The following ANKS1B variants were observed in gnomAD, a reference collection of about 807,000 sequenced individuals.
ANKS1B encodes ankyrin repeat and sterile alpha motif domain-containing protein 1B.
ANKS1B carries 36 observed loss-of-function variants against 148.3 expected under a neutral mutation model. The ratio of observed to expected loss-of-function variants is 0.24; its 90% CI spans 0.19 to 0.32. The LOEUF is 0.32. Ranked by LOEUF, ANKS1B falls within the 10% of genes least tolerant of loss-of-function variation. The pLI is 1.00. For missense variants in ANKS1B, 1,157 were observed against 1,542.6 expected (o/e 0.75, Z 4.19); for synonymous variants, 542 against 560.8 (o/e 0.97, Z 0.47).
In ANKS1B at chr12:99,661,128, C is replaced by T. The variant is rs190245001; in HGVS notation, c.1129-5918G>A. Among the ~76,000 whole-genome samples the T allele has an allele frequency of 4.1e-3, 625 of 152,150 alleles. 5 individuals carry two copies. The highest frequency in any genetic ancestry group is 6.7e-3 in the Admixed American group (102 of 15,282). ...GTTTTACTGGGGGTCTGAAGGAACT[C>T]CCCAGACCTCCACAAACAAGTTTTA... On this transcript the variant is annotated intron_variant, in intron 8 of 26. Transcript: ENST00000683438.
At chr12:99,274,620 T>C (rs149452951) in intron 12 of ANKS1B, among the ~76,000 whole-genome samples, 2 of 152,298 alleles carry the variant, frequency 1.3e-5, no homozygotes, top group Admixed American at 6.5e-5. Context: ...TGAAGCACTT[T>C]CACTAACACT....
At chr12:99,350,134 C>T (rs1188207869) in intron 12 of ANKS1B, among the ~76,000 whole-genome samples, 2 of 151,778 alleles carry the variant, frequency 1.3e-5, no homozygotes, top group African/African-American at 2.4e-5. Context: ...GTGAGTTATC[C>T]CAAGATCTGG....
rs552379451 is a variant in ANKS1B at position 99,841,876 on chromosome 12, T to C, written c.135-16487A>G. Among the ~76,000 whole-genome samples, 13 of 152,246 alleles carry C rather than the reference T, an allele frequency of 8.5e-5. 1 individual carries two copies. In the East Asian group the frequency reaches 2.5e-3, roughly 29 times the overall value. ...TCTGTATTATTTTTCTCTCCTTGGT[T>C]AGTCTAGGTGGGGCTAGTTTATCAG... On this transcript the variant is annotated intron_variant, in intron 1 of 26. Coordinates refer to ENST00000683438, the MANE Select transcript of ANKS1B (RefSeq NM_001352186.2).
At chr12:98,949,595 C>T (rs935716748) in intron 17 of ANKS1B, 10 of 152,074 alleles carry the variant, frequency 6.6e-5, no homozygotes, top group African/African-American at 2.4e-4. Context: ...AAGGATACTG[C>T]CTTAGGTTGT....
intron 8 of ANKS1B, among the ~76,000 whole-genome samples, chr12:99,695,523 T>C (rs144307210): frequency 6.6e-6 from 1 of 152,322 alleles, no homozygotes; most frequent in African/African-American, 2.4e-5. Context: ...CCAGAATTCA[T>C]TGCTATCACT....
intron 2 of ANKS1B, among the ~76,000 whole-genome samples, chr12:99,816,978 G>A (rs1331289684): frequency 6.6e-6 from 1 of 151,438 alleles, no homozygotes; most frequent in Admixed American, 6.6e-5. Context: ...GACTAAATCA[G>A]GATAATTGGG....
intron 8 of ANKS1B, among the ~76,000 whole-genome samples, chr12:99,670,099 C>T (rs2098529675): frequency 6.6e-6 from 1 of 152,122 alleles, no homozygotes; most frequent in Non-Finnish European, 1.5e-5. Flanking sequence ...TTGACAAAAA[C>T]ACTTTTTAAA....
intron 8 of ANKS1B, among the ~76,000 whole-genome samples, chr12:99,766,786 A>G (rs944981939): frequency 6.6e-6 from 1 of 152,160 alleles, no homozygotes; most frequent in Admixed American, 6.6e-5. Context: ...ATGTTCCTAT[A>G]ATAAGCCTCT....
At chr12:99,202,249 C>G (rs2082152716) in intron 14 of ANKS1B, among the ~76,000 whole-genome samples, 1 of 152,114 alleles carries the variant, frequency 6.6e-6, no homozygotes, top group Non-Finnish European at 1.5e-5. Flanking sequence ...GCTAATAATC[C>G]AACAGGACAA....
At chr12:99,140,600 G>A (rs559247862) in intron 15 of ANKS1B, among the ~76,000 whole-genome samples, 140 of 152,162 alleles carry the variant, frequency 9.2e-4, no homozygotes, top group African/African-American at 3.2e-3. Context: ...AAAACCTTGC[G>A]AACTAGGTAT....
intron 20 of ANKS1B, among the ~76,000 whole-genome samples, chr12:98,804,723 G>A (rs191818459): frequency 6.2e-4 from 95 of 152,278 alleles, no homozygotes; most frequent in African/African-American, 2.1e-3. Flanking sequence ...TTACTATATG[G>A]AATGGAAGAA....
intron 10 of ANKS1B, among the ~76,000 whole-genome samples, chr12:99,466,700 A>G (rs1318026382): frequency 6.6e-6 from 1 of 152,074 alleles, no homozygotes; most frequent in Non-Finnish European, 1.5e-5. Context: ...AGAAATGGAT[A>G]AATTCCTTGA....
intron 10 of ANKS1B, among the ~76,000 whole-genome samples, chr12:99,502,875 T>C (rs2153000991): frequency 6.6e-6 from 1 of 152,278 alleles, no homozygotes; most frequent in South Asian, 2.1e-4. Context: ...TGCTCAAAAA[T>C]CCATTTTTTT....
chr12:99,182,334 C>A (rs2079211340), intron 14 of ANKS1B, among the ~76,000 whole-genome samples: 1 of 152,122 alleles, frequency 6.6e-6, no homozygotes, highest in Admixed American at 6.5e-5. Context: ...CAGAGCCAAA[C>A]CATATCATCA....
intron 12 of ANKS1B, among the ~76,000 whole-genome samples, chr12:99,389,062 G>A (rs1013707676): frequency 3.3e-5 from 5 of 152,158 alleles, no homozygotes; most frequent in Non-Finnish European, 5.9e-5. Context: ...ACAAAGGCCT[G>A]GAGACAGGGA....
intron 8 of ANKS1B, among the ~76,000 whole-genome samples, chr12:99,722,330 G>C (rs1046123296): frequency 6.6e-6 from 1 of 152,182 alleles, no homozygotes; most frequent in African/African-American, 2.4e-5. Context: ...CAAAGAACAG[G>C]CTCACTGTTT....
intron 15 of ANKS1B, among the ~76,000 whole-genome samples, chr12:99,111,070 C>T (rs1349015517): frequency 2.0e-5 from 3 of 152,184 alleles, no homozygotes; most frequent in African/African-American, 7.2e-5. Flanking sequence ...GCAATCAGGA[C>T]AATAACCATG....
At chr12:99,169,919 G>A (rs1022302043) in intron 14 of ANKS1B, among the ~76,000 whole-genome samples, 9 of 152,130 alleles carry the variant, frequency 5.9e-5, no homozygotes, top group African/African-American at 2.2e-4. Flanking sequence ...TGCACAGGAT[G>A]GGAAACTTGT....
Position 99,699,218 on chromosome 12 carries a change from T to G in ANKS1B, c.1129-44008A>C, listed in dbSNP as rs185135073. Among the ~76,000 whole-genome samples, 156 of 152,286 alleles carry G rather than the reference T, an allele frequency of 1.0e-3. 1 individual carries two copies. The highest frequency in any genetic ancestry group is 3.7e-3 in the African/African-American group (153 of 41,566). On this transcript the variant is annotated intron_variant, in intron 8 of 26. Coordinates refer to ENST00000683438, the MANE Select transcript of ANKS1B (RefSeq NM_001352186.2). ...CATGTGTGCACATGTGCACACACAC[T>G]GCTGAAATTCTACTTCTGTAAATTC...
Sources: allele counts gnomAD v4.1 joint callset (sites outside exome capture counted in the v4.1 genomes callset), GRCh38; gene constraint gnomAD v4.1.1; transcripts MANE v1.5; gene names NCBI Gene and HGNC (gene_info 2026-07-23, HGNC 2026-07-21).